Variants in CHST11 observed in about 807,000 individuals in gnomAD.
CHST11 encodes carbohydrate sulfotransferase 11.
In CHST11, 9 loss-of-function variants were observed where a neutral mutation model predicts 30.4. That is an observed-to-expected ratio of 0.30 (90% CI 0.18 to 0.52). The LOEUF (loss-of-function observed/expected upper bound fraction) is 0.52, where lower values mean the gene tolerates loss of function less well. CHST11 is among the 20% of genes least tolerant of loss of function. The pLI is 0.97. For synonymous variants in CHST11, 152 were observed against 187.8 expected (o/e 0.81, Z 1.56); for missense variants, 348 against 460.6 (o/e 0.76, Z 2.24).
chr12:104,584,412 A>G (rs141202656), intron 1 of CHST11, among the ~76,000 whole-genome samples: 3 of 152,066 alleles, frequency 2.0e-5, no homozygotes, highest in Non-Finnish European at 4.4e-5. Flanking sequence ...ATATGCCACC[A>G]TGCCTGGCTA....
At chr12:104,532,685 A>G (rs1286276197) in intron 1 of CHST11, among the ~76,000 whole-genome samples, 1 of 152,156 alleles carries the variant, frequency 6.6e-6, no homozygotes, top group East Asian at 1.9e-4. Context: ...CCTACTTTGC[A>G]TACCCCACAG....
intron 1 of CHST11, among the ~76,000 whole-genome samples, chr12:104,594,865 G>T (rs2038892626): frequency 6.6e-6 from 1 of 152,232 alleles, no homozygotes; most frequent in Admixed American, 6.5e-5. Context: ...GCTGAGGTGG[G>T]AGGATCGGTT....
intron 2 of CHST11, among the ~76,000 whole-genome samples, chr12:104,660,110 C>G (rs1308409667): frequency 6.6e-6 from 1 of 152,224 alleles, no homozygotes; most frequent in Admixed American, 6.5e-5. Context: ...AAATGAGACG[C>G]TCCAGGGACC....
intron 1 of CHST11, among the ~76,000 whole-genome samples, chr12:104,495,588 AC>A (rs2037791627): frequency 6.6e-6 from 1 of 152,214 alleles, no homozygotes; most frequent in African/African-American, 2.4e-5. Flanking sequence ...ACTTCAGGTA[AC>A]CAATACATAA....
intron 1 of CHST11, among the ~76,000 whole-genome samples, chr12:104,497,032 T>C (rs141273119): frequency 1.3e-5 from 2 of 152,354 alleles, no homozygotes; most frequent in East Asian, 3.9e-4. Flanking sequence ...ACCTGCCTCC[T>C]GGGACCTCTC....
At chr12:104,579,988 G>C (rs929244234) in intron 1 of CHST11, among the ~76,000 whole-genome samples, 1 of 152,194 alleles carries the variant, frequency 6.6e-6, no homozygotes, top group African/African-American at 2.4e-5. Context: ...TATAATTGAA[G>C]ACTGTGGACA....
chr12:104,670,229 A>C (rs929852821), intron 2 of CHST11, among the ~76,000 whole-genome samples: 3 of 152,132 alleles, frequency 2.0e-5, no homozygotes, highest in African/African-American at 7.2e-5. Flanking sequence ...TGGTCTCCCA[A>C]CTTCCTCAGT....
chr12:104,590,487 C>T (rs902621677), intron 1 of CHST11, among the ~76,000 whole-genome samples: 1 of 152,138 alleles, frequency 6.6e-6, no homozygotes, highest in African/African-American at 2.4e-5. Context: ...ATTTAGGCCC[C>T]TTTTAGGAAC....
chr12:104,559,797 C>T (rs1007664414), intron 1 of CHST11, among the ~76,000 whole-genome samples: 1 of 151,980 alleles, frequency 6.6e-6, no homozygotes, highest in African/African-American at 2.4e-5. Flanking sequence ...TGGTAAATAA[C>T]ATAATTTGGG....
Position 104,458,721 on chromosome 12 carries a change from T to G in CHST11, c.118+1192T>G, listed in dbSNP as rs1565948938. Among the ~76,000 whole-genome samples, 1 of 152,260 alleles carries G rather than the reference T, an allele frequency of 6.6e-6. No individual in the cohort carries two copies. The highest frequency in any genetic ancestry group is 2.1e-4 in the South Asian group (1 of 4,836). On this transcript the variant is annotated intron_variant, in intron 1 of 2. Coordinates refer to ENST00000303694, the MANE Select transcript of CHST11 (RefSeq NM_018413.6). This position sits in a 1 kb window ranked among gnomAD's most constrained non-coding sequence, Gnocchi z 5.7. ...CTCCGAGTTGCCTTTCTCAGCGTAG[T>G]CACAGCAATAATTTGCTTTTCTAAT... is the stretch of plus-strand genomic sequence containing the variant.
intron 1 of CHST11, among the ~76,000 whole-genome samples, chr12:104,595,722 C>G (rs887849652): frequency 6.6e-6 from 1 of 152,146 alleles, no homozygotes; most frequent in African/African-American, 2.4e-5. Flanking sequence ...GTGCCATGGA[C>G]CAGGTGCCAT....
chr12:104,736,697 A>C (rs561376955), intron 2 of CHST11, among the ~76,000 whole-genome samples: 1 of 152,194 alleles, frequency 6.6e-6, no homozygotes, highest in South Asian at 2.1e-4. Context: ...ATTTACCCGG[A>C]GTTGGCAGGG....
At chr12:104,514,370 C>A in intron 1 of CHST11, 1 of 939,054 alleles carries the variant, frequency 1.1e-6, no homozygotes, top group Non-Finnish European at 1.8e-6. Context: ...CCATTCTGGG[C>A]TTTGCCCTGT....
chr12:104,485,064 AACTT>A (rs1279753644), intron 1 of CHST11, among the ~76,000 whole-genome samples: 2 of 152,138 alleles, frequency 1.3e-5, no homozygotes, highest in African/African-American at 4.8e-5. Flanking sequence ...ATGTCTTTAA[AACTT>A]ACCCCAGAAA....
chr12:104,735,110 T>C (rs2694420), intron 2 of CHST11, among the ~76,000 whole-genome samples: 75,979 of 151,610 alleles, frequency 0.5, 19,151 homozygotes, highest in East Asian at 0.65. Context: ...GGTAGGGATC[T>C]ATGGGTAAAC....
chr12:104,545,575 C>T (rs1318383196), intron 1 of CHST11, among the ~76,000 whole-genome samples: 1 of 152,220 alleles, frequency 6.6e-6, no homozygotes, highest in African/African-American at 2.4e-5. Context: ...ATCTTACTAT[C>T]ACTGTACCAG....
chr12:104,524,514 AG>A (rs1337306437), intron 1 of CHST11, among the ~76,000 whole-genome samples: 1 of 152,164 alleles, frequency 6.6e-6, no homozygotes, highest in Non-Finnish European at 1.5e-5. Context: ...CATTGGTATA[AG>A]CATCCTTCCA....
At chr12:104,628,688 C>T (rs1346205385) in intron 2 of CHST11, among the ~76,000 whole-genome samples, 1 of 152,174 alleles carries the variant, frequency 6.6e-6, no homozygotes, top group Non-Finnish European at 1.5e-5. Context: ...GGTTTAGTTC[C>T]TCTGCTGTCC....
chr12:104,529,835 G>A (rs2038163531), intron 1 of CHST11, among the ~76,000 whole-genome samples: 1 of 152,180 alleles, frequency 6.6e-6, no homozygotes, highest in South Asian at 2.1e-4. Flanking sequence ...CAGGGAAATT[G>A]TAGTCTTTAG....
Sources: gnomAD v4.1 joint callset for allele counts (sites outside exome capture counted in the v4.1 genomes callset) on GRCh38, gnomAD v4.1.1 for gene constraint, Gnocchi (gnomAD v3.1) non-coding constraint, MANE v1.5 for transcripts, NCBI Gene and HGNC (gene_info 2026-07-23, HGNC 2026-07-21) for gene names.